The following SLC4A4 variants were observed in gnomAD, a reference collection of about 807,000 sequenced individuals.
SLC4A4 encodes electrogenic sodium bicarbonate cotransporter 1.
A neutral mutation model predicts 111.5 loss-of-function variants in SLC4A4; 27 were observed. The observed-to-expected ratio is 0.24, with a 90% confidence interval of 0.18 to 0.33. The LOEUF is 0.33. Ranked by LOEUF, SLC4A4 falls within the 10% of genes least tolerant of loss-of-function variation. SLC4A4 has a pLI of 1.00. For missense variants in SLC4A4, 909 were observed against 1,315.5 expected, an observed-to-expected ratio of 0.69 and a Z score of 4.78; for synonymous variants, 443 against 463.4, an observed-to-expected ratio of 0.96 and a Z score of 0.57.
chr4:71,267,791 C>CAAAAAAAAAAAA lies in SLC4A4; in HGVS notation c.253+12408_253+12419dup, dbSNP rs71212002. Among the ~76,000 whole-genome samples the CAAAAAAAAAAAA allele has an allele frequency of 1.7e-3, 109 of 62,356 alleles. 1 individual carries two copies. The highest frequency in any genetic ancestry group is 5.3e-3 in the East Asian group (9 of 1,684). The allele number at this position is 62,356 out of a possible 152,430, so 40.9% of individuals were successfully genotyped here. On this transcript the variant is annotated intron_variant, in intron 3 of 25. Coordinates refer to ENST00000264485, the MANE Select transcript of SLC4A4 (RefSeq NM_001098484.3). ...CCTGGATGACAGAGTGAGAGTCTGC[C>CAAAAAAAAAAAA]AAAAAAAAAAAAAAAAAAAAAAAAA...
chr4:71,522,292 G>T (rs1425433874), intron 16 of SLC4A4, among the ~76,000 whole-genome samples: 1 of 152,144 alleles, frequency 6.6e-6, no homozygotes, highest in East Asian at 1.9e-4. Flanking sequence ...CATAATCTGT[G>T]ATTTTCTGTG....
intron 7 of SLC4A4, among the ~76,000 whole-genome samples, chr4:71,429,547 C>T (rs1260946803): frequency 6.6e-6 from 1 of 152,150 alleles, no homozygotes; most frequent in Non-Finnish European, 1.5e-5. Context: ...AATGTAACAT[C>T]TGGATTCACA....
At chr4:71,504,881 A>G (rs535337949) in intron 16 of SLC4A4, among the ~76,000 whole-genome samples, 6 of 149,584 alleles carry the variant, frequency 4.0e-5, no homozygotes, top group African/African-American at 1.5e-4. Context: ...CCCTCTTCCC[A>G]CCTCCCCCTC....
intron 3 of SLC4A4, among the ~76,000 whole-genome samples, chr4:71,309,804 A>G (rs1041137962): frequency 6.6e-6 from 1 of 152,086 alleles, no homozygotes; most frequent in African/African-American, 2.4e-5. Context: ...CCTTTCCAGC[A>G]AGGGCACAAA....
chr4:71,250,149 A>T (rs1560813899), intron 2 of SLC4A4, among the ~76,000 whole-genome samples: 1 of 151,756 alleles, frequency 6.6e-6, no homozygotes, highest in African/African-American at 2.4e-5. Context: ...TTAATAAAAA[A>T]AAATAAATCT....
chr4:71,341,255 A>C (rs1438121333), intron 4 of SLC4A4, among the ~76,000 whole-genome samples: 1 of 152,170 alleles, frequency 6.6e-6, no homozygotes, highest in African/African-American at 2.4e-5. Flanking sequence ...TCTTATTAAA[A>C]GGTTTGAAGT....
At chr4:71,451,353 AT>A in intron 11 of SLC4A4, 52 bp downstream of exon 11, 1 of 1,141,006 alleles carries the variant, frequency 8.8e-7, no homozygotes, top group South Asian at 1.2e-5. Context: ...TTAAATGTAA[AT>A]TTCCCTTCAT....
chr4:71,173,308 A>G (rs1744992921), intron 2 of SLC4A4, among the ~76,000 whole-genome samples: 1 of 152,242 alleles, frequency 6.6e-6, no homozygotes, highest in Non-Finnish European at 1.5e-5. Context: ...GGTTCAGTTG[A>G]AATGAGAGAA....
intron 15 of SLC4A4, among the ~76,000 whole-genome samples, chr4:71,489,507 G>A (rs10805088): frequency 0.72 from 108,659 of 151,624 alleles, 40,023 homozygotes; most frequent in Non-Finnish European, 0.82. Flanking sequence ...GGCAGAACTT[G>A]GCATAATGGA....
intron 7 of SLC4A4, among the ~76,000 whole-genome samples, chr4:71,410,023 T>A (rs1721223133): frequency 6.6e-6 from 1 of 152,182 alleles, no homozygotes; most frequent in African/African-American, 2.4e-5. Flanking sequence ...AATTGAGGTT[T>A]GGGAACCTCT....
intron 14 of SLC4A4, among the ~76,000 whole-genome samples, chr4:71,477,672 C>T (rs1728491572): frequency 6.6e-6 from 1 of 151,738 alleles, no homozygotes; most frequent in Admixed American, 6.6e-5. Context: ...AGAGGAATCT[C>T]TTTAATTTAT....
At chr4:71,196,525 T>C (rs796888929) in intron 1 of SLC4A4, among the ~76,000 whole-genome samples, 3 of 152,334 alleles carry the variant, frequency 2.0e-5, no homozygotes, top group Admixed American at 6.5e-5. Flanking sequence ...CAGTGAATTC[T>C]GCAGTTGAAT....
At chr4:71,443,112 CTCTCTATATATATATATATATA>C in intron 8 of SLC4A4, among the ~76,000 whole-genome samples, 1 of 97,656 alleles carries the variant, frequency 1.0e-5, no homozygotes, top group Non-Finnish European at 1.9e-5. Context: ...CTCTCTCTCT[CTCTCTATATATATATATATATA>C]TATATATATA....
chr4:71,107,771 G>A (rs1222548343), intron 2 of SLC4A4, among the ~76,000 whole-genome samples: 1 of 151,078 alleles, frequency 6.6e-6, no homozygotes, highest in Non-Finnish European at 1.5e-5. Flanking sequence ...ACAGTGGTAT[G>A]ATCATAGCTC....
chr4:71,391,945 C>T (rs773039631), intron 6 of SLC4A4, among the ~76,000 whole-genome samples: 3 of 152,000 alleles, frequency 2.0e-5, no homozygotes, highest in Non-Finnish European at 2.9e-5. Flanking sequence ...TCCTTACTTG[C>T]TCAGGATTGC....
intron 7 of SLC4A4, among the ~76,000 whole-genome samples, chr4:71,412,418 G>A (rs151076788): frequency 2.8e-4 from 43 of 152,322 alleles, no homozygotes; most frequent in African/African-American, 9.1e-4. Context: ...TTGCCTTCCA[G>A]TGAGAGAGAA....
chr4:71,197,477 A>G (rs1052646719), intron 1 of SLC4A4, among the ~76,000 whole-genome samples: 8 of 152,176 alleles, frequency 5.3e-5, no homozygotes, highest in African/African-American at 1.9e-4. Context: ...ATTATTTGAG[A>G]TTAAAAATGA....
At chr4:71,099,832 C>T (rs936603817) in intron 2 of SLC4A4, among the ~76,000 whole-genome samples, 3 of 152,114 alleles carry the variant, frequency 2.0e-5, no homozygotes, top group African/African-American at 7.2e-5. Flanking sequence ...CACCTCTATG[C>T]ACACAAACTA....
Position 71,351,283 on chromosome 4 carries a change from G to C in SLC4A4, c.550+1211G>C, listed in dbSNP as rs73826275. On this transcript the variant is annotated intron_variant, in intron 5 of 25. Coordinates refer to ENST00000264485, the MANE Select transcript of SLC4A4 (RefSeq NM_001098484.3). ...CAGCCTTTCTTCACATGCAGCTAAA[G>C]GGGCTTGACTTCTGCCTACAATCAA... 7.6e-3 allele frequency among the ~76,000 whole-genome samples: 1,156 copies of C among 152,242 alleles called. 15 individuals carry two copies. Among genetic ancestry groups the C allele is most frequent in the African/African-American group, 0.025 (1,020 of 41,544 alleles).
Sources: gnomAD v4.1 joint callset for allele counts (sites outside exome capture counted in the v4.1 genomes callset) on GRCh38, gnomAD v4.1.1 for gene constraint, MANE v1.5 for transcripts, NCBI Gene and HGNC (gene_info 2026-07-23, HGNC 2026-07-21) for gene names.